SMAP1: variants seen among roughly 807,000 people sequenced by gnomAD.
The protein encoded by SMAP1 is small ArfGAP 1.
SMAP1 carries 24 observed loss-of-function variants against 58.5 expected under a neutral mutation model. That is an observed-to-expected ratio of 0.41 (90% confidence interval 0.30 to 0.58). SMAP1 has a LOEUF of 0.58. Ranked by LOEUF, SMAP1 falls within the 20% of genes least tolerant of loss-of-function variation. The pLI is 0.29. For missense variants in SMAP1, 563 were observed against 566.3 expected (o/e 0.99, Z 0.06); for synonymous variants, 216 against 196.6 (o/e 1.10, Z -0.82).
intron 3 of SMAP1, chr6:70,759,855 TG>T (rs1340870771): frequency 2.2e-6 from 1 of 449,646 alleles, no homozygotes; most frequent in Non-Finnish European, 4.5e-6. Flanking sequence ...AAACAACAGC[TG>T]TAATAACTTT....
At position 70,773,310 on chromosome 6, in the gene SMAP1, T is replaced by C. The variant is rs112683467; in HGVS notation, c.339-40T>C. The C allele has an allele frequency of 7.3e-3, 9,310 of 1,271,410 alleles. 526 individuals carry two copies. In the African/African-American group the frequency reaches 0.12, roughly 16 times the overall value. 78.8% of individuals were successfully genotyped at this position (1,271,410 alleles called of 1,614,324 possible). ...GCGTGAATAAAGGGAAGTGTACATA[T>C]CACTGAATTCATGCTTTTCCTTAAG... On this transcript the variant is annotated intron_variant, in intron 3 of 10. Coordinates refer to ENST00000370455, the MANE Select transcript of SMAP1 (RefSeq NM_001044305.3).
chr6:70,818,193 A>T (rs1198050400), intron 6 of SMAP1, among the ~76,000 whole-genome samples: 1 of 151,730 alleles, frequency 6.6e-6, no homozygotes, highest in Non-Finnish European at 1.5e-5. Context: ...CAGGAGTTCG[A>T]GATGAGCCTG....
intron 1 of SMAP1, among the ~76,000 whole-genome samples, chr6:70,675,902 T>A (rs1316764106): frequency 1.3e-5 from 2 of 152,176 alleles, no homozygotes; most frequent in African/African-American, 2.4e-5. Flanking sequence ...ATAATAAATA[T>A]GGTTTATGTT....
At chr6:70,726,871 A>AGG (rs1462249137) in intron 1 of SMAP1, among the ~76,000 whole-genome samples, 126 of 119,118 alleles carry the variant, frequency 1.1e-3, no homozygotes, top group Admixed American at 1.9e-3. Flanking sequence ...TACAAATTTT[A>AGG]GGGGTGTGTG....
intron 6 of SMAP1, among the ~76,000 whole-genome samples, chr6:70,806,677 A>G (rs1369011069): frequency 1.3e-5 from 2 of 152,220 alleles, no homozygotes; most frequent in African/African-American, 4.8e-5. Flanking sequence ...GGGATTATTT[A>G]TTCTAGAATT....
intron 1 of SMAP1, among the ~76,000 whole-genome samples, chr6:70,709,179 TC>T (rs1255482518): frequency 1.3e-5 from 2 of 152,162 alleles, no homozygotes; most frequent in East Asian, 1.9e-4. Flanking sequence ...AGACTGTACT[TC>T]CGCCATTGTG....
rs1771696142 is a variant in SMAP1 at position 70,860,962 on chromosome 6, T to C, written c.*628T>C. 2.9e-6 allele frequency: 1 copy of C among 349,928 alleles called. No individual in the cohort carries two copies. The highest frequency in any genetic ancestry group is 4.1e-5 in the East Asian group (1 of 24,358). 21.7% of individuals were successfully genotyped at this position (349,928 alleles called of 1,614,324 possible). On this transcript the variant is annotated 3_prime_UTR_variant, in exon 11 of 11. Coordinates refer to ENST00000370455, the MANE Select transcript of SMAP1 (RefSeq NM_001044305.3). Reference sequence around the variant, plus strand: ...AAATTTTATCTGCCTCTCTTGTAATTTGGATCTCTTCTTAATGTACATAGT... The same window carrying C: ...AAATTTTATCTGCCTCTCTTGTAATCTGGATCTCTTCTTAATGTACATAGT...
chr6:70,742,051 A>G (rs897908450), intron 2 of SMAP1, among the ~76,000 whole-genome samples: 1 of 152,152 alleles, frequency 6.6e-6, no homozygotes, highest in Admixed American at 6.5e-5. Flanking sequence ...TCTTCCTTCT[A>G]GGCCCCTAAG....
Position 70,733,440 on chromosome 6 carries a change from A to G in SMAP1, c.252+929A>G, listed in dbSNP as rs188392054. On this transcript the variant is annotated intron_variant, in intron 2 of 10. Transcript: ENST00000370455. Reference sequence around the variant, plus strand: ...CTTTCAAGATCCTTGAGGAGAAAACATACTAGTTATATCAAAGAAGCAGAG... The same window carrying G: ...CTTTCAAGATCCTTGAGGAGAAAACGTACTAGTTATATCAAAGAAGCAGAG... 1.1e-4 allele frequency among the ~76,000 whole-genome samples: 16 copies of G among 152,342 alleles called. No individual in the cohort carries two copies. In the East Asian group the frequency reaches 2.9e-3, roughly 28 times the overall value.
At chr6:70,711,672 C>T (rs1768063199) in intron 1 of SMAP1, among the ~76,000 whole-genome samples, 2 of 151,910 alleles carry the variant, frequency 1.3e-5, no homozygotes, top group Non-Finnish European at 2.9e-5. Context: ...GGATTACAGG[C>T]GCCTGCCACC....
At chr6:70,796,968 C>T (rs1367469258) in intron 5 of SMAP1, among the ~76,000 whole-genome samples, 1 of 152,072 alleles carries the variant, frequency 6.6e-6, no homozygotes, top group Non-Finnish European at 1.5e-5. Flanking sequence ...AAGCAATATA[C>T]CAATAGTTTG....
chr6:70,673,691 A>G (rs960816218), intron 1 of SMAP1, among the ~76,000 whole-genome samples: 2 of 152,242 alleles, frequency 1.3e-5, no homozygotes, highest in Non-Finnish European at 2.9e-5. Flanking sequence ...AAATTTGCCA[A>G]TCTAAAAGTT....
chr6:70,752,748 C>T (rs1766329431), intron 2 of SMAP1, among the ~76,000 whole-genome samples: 1 of 152,018 alleles, frequency 6.6e-6, no homozygotes, highest in African/African-American at 2.4e-5. Context: ...CTACCTCCCA[C>T]CCTTTTCTAG....
At chr6:70,775,424 G>GT (rs1487262922) in intron 4 of SMAP1, among the ~76,000 whole-genome samples, 1 of 152,052 alleles carries the variant, frequency 6.6e-6, no homozygotes, top group South Asian at 2.1e-4. Flanking sequence ...ACTGAGTTGG[G>GT]TTTTTTCCCC....
chr6:70,705,863 T>C (rs370431584), intron 1 of SMAP1, among the ~76,000 whole-genome samples: 10 of 152,324 alleles, frequency 6.6e-5, no homozygotes, highest in African/African-American at 2.4e-4. Context: ...ATAAAATTTG[T>C]CTACAGTTCC....
At chr6:70,709,694 C>T (rs1443559038) in intron 1 of SMAP1, among the ~76,000 whole-genome samples, 1 of 152,084 alleles carries the variant, frequency 6.6e-6, no homozygotes, top group African/African-American at 2.4e-5. Flanking sequence ...GTTTTGGCTA[C>T]TTGGGGCCTT....
intron 4 of SMAP1, among the ~76,000 whole-genome samples, chr6:70,788,139 T>C (rs983370639): frequency 1.3e-5 from 2 of 151,972 alleles, no homozygotes; most frequent in Admixed American, 6.6e-5. Context: ...GATGAGTTCA[T>C]GTCCTTTGTA....
At chr6:70,818,605 C>G (rs1189870104) in intron 6 of SMAP1, among the ~76,000 whole-genome samples, 1 of 152,132 alleles carries the variant, frequency 6.6e-6, no homozygotes, top group Admixed American at 6.5e-5. Flanking sequence ...GTAGTCATCT[C>G]TCTCTTCTTT....
chr6:70,772,444 C>A (rs551170209), intron 3 of SMAP1, among the ~76,000 whole-genome samples: 60 of 152,078 alleles, frequency 3.9e-4, no homozygotes, highest in Non-Finnish European at 8.5e-4. Flanking sequence ...GGGTTTTTTT[C>A]TGTAATTATG....
Sources: allele counts gnomAD v4.1 joint callset (sites outside exome capture counted in the v4.1 genomes callset), GRCh38; gene constraint gnomAD v4.1.1; transcripts MANE v1.5; gene names NCBI Gene and HGNC (gene_info 2026-07-23, HGNC 2026-07-21).